FSTL5: variants seen among roughly 807,000 people sequenced by gnomAD.
FSTL5 encodes the protein follistatin like 5.
In FSTL5, 62 loss-of-function variants were observed where a neutral mutation model predicts 89.1. The observed-to-expected ratio is 0.70, with a 90% CI of 0.57 to 0.86. The LOEUF is 0.86. Among genes scored for constraint, FSTL5 ranks in the 40% least tolerant of loss-of-function variants. FSTL5 has a pLI of 0.00. For synonymous variants in FSTL5, 383 were observed against 346.2 expected (o/e 1.11, Z -1.18); for missense variants, 1,057 against 1,001.6 (o/e 1.06, Z -0.75).
chr4:161,784,504 C>T (rs972318692), intron 4 of FSTL5, among the ~76,000 whole-genome samples: 3 of 152,056 alleles, frequency 2.0e-5, no homozygotes, highest in Non-Finnish European at 4.4e-5. Context: ...TCTTAGTGCT[C>T]TTTAACACTA....
At chr4:162,103,135 A>C (rs999281513) in intron 2 of FSTL5, among the ~76,000 whole-genome samples, 5 of 152,152 alleles carry the variant, frequency 3.3e-5, no homozygotes, top group Non-Finnish European at 7.4e-5. Flanking sequence ...TATCTTGAGA[A>C]TTTTAGAAGT....
chr4:161,952,825 T>C (rs1734934421), intron 3 of FSTL5, among the ~76,000 whole-genome samples: 1 of 151,882 alleles, frequency 6.6e-6, no homozygotes, highest in Non-Finnish European at 1.5e-5. Flanking sequence ...AAATTATCAT[T>C]ATGTAACTCA....
chr4:161,995,702 C>T (rs1736271822), intron 3 of FSTL5, among the ~76,000 whole-genome samples: 1 of 150,976 alleles, frequency 6.6e-6, no homozygotes, highest in Non-Finnish European at 1.5e-5. Context: ...TAATTAATTT[C>T]TGTTCTCCAA....
intron 5 of FSTL5, among the ~76,000 whole-genome samples, chr4:161,760,958 G>A (rs1740772178): frequency 6.6e-6 from 1 of 152,174 alleles, no homozygotes; most frequent in Non-Finnish European, 1.5e-5. Flanking sequence ...GGTCACTGGA[G>A]CCTCCAGCAC....
intron 1 of FSTL5, among the ~76,000 whole-genome samples, chr4:162,160,317 G>C (rs1480731710): frequency 6.6e-6 from 1 of 151,726 alleles, no homozygotes; most frequent in Non-Finnish European, 1.5e-5. Flanking sequence ...TTGCTTTACT[G>C]TATGGTTACC....
intron 2 of FSTL5, among the ~76,000 whole-genome samples, chr4:162,110,766 A>G (rs917848043): frequency 6.6e-6 from 1 of 151,698 alleles, no homozygotes; most frequent in African/African-American, 2.4e-5. Flanking sequence ...TAAAAAGTGG[A>G]GTATTTGTCC....
intron 2 of FSTL5, among the ~76,000 whole-genome samples, chr4:162,058,648 C>T (rs987459650): frequency 2.6e-5 from 4 of 151,768 alleles, no homozygotes; most frequent in Admixed American, 6.6e-5. Context: ...AGGCTGGTTT[C>T]GAACTTCTGA....
chr4:161,656,250 G>T (rs1470474407), intron 7 of FSTL5, 78 bp downstream of exon 7: 5 of 682,628 alleles, frequency 7.3e-6, no homozygotes, highest in Admixed American at 3.6e-5. Context: ...TATTCATTAA[G>T]CTCCCCTGAC....
intron 3 of FSTL5, among the ~76,000 whole-genome samples, chr4:161,995,149 G>A (rs1226357562): frequency 6.6e-6 from 1 of 152,078 alleles, no homozygotes; most frequent in Non-Finnish European, 1.5e-5. Context: ...CTGATAGAAT[G>A]CAAGTTTATG....
intron 2 of FSTL5, among the ~76,000 whole-genome samples, chr4:162,063,834 T>C (rs1192807739): frequency 6.6e-6 from 1 of 151,936 alleles, no homozygotes; most frequent in Non-Finnish European, 1.5e-5. Flanking sequence ...TAGCAAGATA[T>C]TCTTGCTACT....
In FSTL5 at chr4:161,667,374, T is replaced by C. The variant is rs558339635; in HGVS notation, c.728-10880A>G. 2.6e-5 allele frequency among the ~76,000 whole-genome samples: 4 copies of C among 152,204 alleles called. No homozygotes were observed. In the East Asian group the frequency reaches 7.7e-4, roughly 29 times the overall value. On this transcript the variant is annotated intron_variant, in intron 6 of 15. Transcript: ENST00000306100. ...ACAAAAACTGTACTAACAGAAAGAATTGGGTGGCCACTCAAAGTAGTCAAG... is the reference window on the plus strand; with the variant it reads ...ACAAAAACTGTACTAACAGAAAGAACTGGGTGGCCACTCAAAGTAGTCAAG...
chr4:162,048,604 C>T (rs1487858521), intron 2 of FSTL5, among the ~76,000 whole-genome samples: 9 of 147,054 alleles, frequency 6.1e-5, no homozygotes, highest in Non-Finnish European at 9.1e-5. Flanking sequence ...CACATACACA[C>T]ACACACACAC....
At chr4:161,422,356 G>A (rs1415440620) in intron 15 of FSTL5, among the ~76,000 whole-genome samples, 4 of 152,152 alleles carry the variant, frequency 2.6e-5, no homozygotes, top group Non-Finnish European at 5.9e-5. Flanking sequence ...GATGTAAAGA[G>A]CGTCTACTAT....
intron 15 of FSTL5, among the ~76,000 whole-genome samples, chr4:161,447,472 T>C (rs895120176): frequency 3.9e-5 from 6 of 152,080 alleles, no homozygotes; most frequent in African/African-American, 1.2e-4. Flanking sequence ...ACTCCTTTCT[T>C]ACAAGTGTCA....
intron 1 of FSTL5, among the ~76,000 whole-genome samples, chr4:162,127,540 T>C (rs140911200): frequency 8.2e-4 from 125 of 152,354 alleles, no homozygotes; most frequent in African/African-American, 2.5e-3. Flanking sequence ...AGGCATTTAA[T>C]GACAACATAT....
intron 4 of FSTL5, among the ~76,000 whole-genome samples, chr4:161,890,614 G>C (rs28528285): frequency 0.21 from 30,888 of 149,630 alleles, 3,595 homozygotes; most frequent in South Asian, 0.26. Flanking sequence ...CTTGAACCCG[G>C]GTGGTGGAGG....
At chr4:162,060,458 GTCTA>G (rs573768118) in intron 2 of FSTL5, among the ~76,000 whole-genome samples, 55 of 151,972 alleles carry the variant, frequency 3.6e-4, no homozygotes, top group Admixed American at 1.5e-3. Flanking sequence ...TAATGTATGA[GTCTA>G]TCTAAGCTTC....
At chr4:161,481,789 A>C (rs1446823809) in intron 12 of FSTL5, among the ~76,000 whole-genome samples, 1 of 152,176 alleles carries the variant, frequency 6.6e-6, no homozygotes, top group East Asian at 1.9e-4. Flanking sequence ...TTCTGGTTGA[A>C]GACTGCATAC....
At chr4:161,656,208 G>A (rs748732443) in intron 7 of FSTL5, 120 bp downstream of exon 7, 32 of 490,224 alleles carry the variant, frequency 6.5e-5, no homozygotes, top group Non-Finnish European at 1.0e-4. Context: ...ATATAGCAAT[G>A]TCCCAATAAT....
Sources: allele counts gnomAD v4.1 joint callset (sites outside exome capture counted in the v4.1 genomes callset), GRCh38; gene constraint gnomAD v4.1.1; transcripts MANE v1.5; gene names NCBI Gene and HGNC (gene_info 2026-07-23, HGNC 2026-07-21).